GOLGA8A: variants seen among roughly 807,000 people sequenced by gnomAD.
GOLGA8A encodes the protein golgin A8 family member A.
A neutral mutation model predicts 22.1 loss-of-function variants in GOLGA8A; 3 were observed. The observed-to-expected ratio is 0.14, with a 90% CI of 0.06 to 0.35. The LOEUF (loss-of-function observed/expected upper bound fraction) is 0.35, where lower values mean the gene tolerates loss of function less well. Ranked by LOEUF, GOLGA8A falls within the 10% of genes least tolerant of loss-of-function variation. The probability of loss-of-function intolerance (pLI) is 1.00; values close to 1 mark genes in which losing one functional copy is unlikely to be tolerated. For synonymous variants in GOLGA8A, 7 were observed against 91.7 expected, an observed-to-expected ratio of 0.08 and a Z score of 5.28; for missense variants, 16 against 233.2, an observed-to-expected ratio of 0.07 and a Z score of 6.07.
intron 2 of GOLGA8A, among the ~76,000 whole-genome samples, chr15:34,424,501 T>C (rs2554790): frequency 6.8e-6 from 1 of 146,876 alleles, no homozygotes; most frequent in Non-Finnish European, 1.5e-5. Flanking sequence ...GGGCAGGCAG[T>C]CCACAAATTT....
chr15:34,425,210 C>T lies in GOLGA8A; in HGVS notation c.-1123+10173G>A, dbSNP rs916313774. ...GGCCCTTTAAGATAACTAAGTCTTA[C>T]CAAAAGCCACCGTAACTTACACGGT... On this transcript the variant is annotated intron_variant, in intron 2 of 24. Coordinates refer to ENST00000359187, the MANE Select transcript of GOLGA8A (RefSeq NM_181077.5). Among the ~76,000 whole-genome samples, 10 of 147,142 alleles carry T rather than the reference C, an allele frequency of 6.8e-5. 1 individual carries two copies. Among genetic ancestry groups the T allele is most frequent in the Admixed American group, 1.4e-4 (2 of 14,406 alleles).
intron 2 of GOLGA8A, among the ~76,000 whole-genome samples, chr15:34,421,983 C>G (rs101958): frequency 0.54 from 60,849 of 112,284 alleles, 19,127 homozygotes; most frequent in Non-Finnish European, 0.66. Context: ...CTGGAGAGAG[C>G]TTAGGACACC....
intron 2 of GOLGA8A, among the ~76,000 whole-genome samples, chr15:34,427,230 C>T (rs1426795635): frequency 2.1e-5 from 3 of 143,742 alleles, no homozygotes; most frequent in Non-Finnish European, 4.6e-5. Flanking sequence ...ACTCGGGAAG[C>T]TGAGGAAGGA....
rs1325850015 is a variant in GOLGA8A, at chr15:34,379,671, T to C, written c.*1740A>G. 1 of 152,624 alleles carries C rather than the reference T, an allele frequency of 6.6e-6. No individual in the cohort carries two copies. The highest frequency in any genetic ancestry group is 2.1e-4 in the South Asian group (1 of 4,830). 9.5% of individuals were successfully genotyped at this position (152,624 alleles called of 1,614,324 possible). On this transcript the variant is annotated 3_prime_UTR_variant, in exon 25 of 25. Transcript: ENST00000359187. ...AGTGCTAAAAATGGAGATGGTCTAGTAACTAGAAAACTCCCCACCCCAGGG... is the reference window on the plus strand; with the variant it reads ...AGTGCTAAAAATGGAGATGGTCTAGCAACTAGAAAACTCCCCACCCCAGGG...
At chr15:34,412,797 C>T (rs1477018790) in intron 2 of GOLGA8A, among the ~76,000 whole-genome samples, 6 of 144,264 alleles carry the variant, frequency 4.2e-5, no homozygotes, top group Non-Finnish European at 6.1e-5. Context: ...TCTTCTGAGC[C>T]GCTGGCATAG....
At chr15:34,429,702 C>T (rs541334792) in intron 2 of GOLGA8A, among the ~76,000 whole-genome samples, 6,570 of 137,810 alleles carry the variant, frequency 0.048, 389 homozygotes, top group South Asian at 0.14. Flanking sequence ...AGTAGCTTCT[C>T]AGAAAATACC....
At chr15:34,424,440 G>C (rs2644235) in intron 2 of GOLGA8A, among the ~76,000 whole-genome samples, 3 of 123,794 alleles carry the variant, frequency 2.4e-5, no homozygotes, top group East Asian at 2.6e-4. Context: ...AAAAAAATAC[G>C]AGAGGAAGAA....
At chr15:34,428,928 A>C (rs968149371) in intron 2 of GOLGA8A, 8 of 147,778 alleles carry the variant, frequency 5.4e-5, no homozygotes, top group African/African-American at 2.0e-4. Flanking sequence ...AGAAGGGTAA[A>C]ATAAAACGTC....
At chr15:34,421,803 CCCA>C (rs1439969361) in intron 2 of GOLGA8A, among the ~76,000 whole-genome samples, 1 of 135,794 alleles carries the variant, frequency 7.4e-6, no homozygotes, top group Non-Finnish European at 1.6e-5. Context: ...ATAATGGAGA[CCCA>C]CCAATTCCCG....
chr15:34,431,312 CAT>C (rs1157766795), intron 2 of GOLGA8A, among the ~76,000 whole-genome samples: 1,047 of 45,600 alleles, frequency 0.023, 28 homozygotes, highest in African/African-American at 0.059. Flanking sequence ...TATATATATA[CAT>C]ATATATATAT....
At chr15:34,429,875 T>C (rs1893151663) in intron 2 of GOLGA8A, among the ~76,000 whole-genome samples, 2 of 147,990 alleles carry the variant, frequency 1.4e-5, no homozygotes, top group South Asian at 4.4e-4. Context: ...CAGGTTAGTG[T>C]CCCGCACCCC....
intron 2 of GOLGA8A, among the ~76,000 whole-genome samples, chr15:34,424,408 C>T (rs564279582): frequency 1.4e-5 from 2 of 140,282 alleles, no homozygotes; most frequent in Admixed American, 7.5e-5. Flanking sequence ...GAAAGGTCGA[C>T]GATGGCAAAT....
intron 2 of GOLGA8A, among the ~76,000 whole-genome samples, chr15:34,425,862 C>A (rs1209629604): frequency 6.9e-6 from 1 of 145,084 alleles, no homozygotes; most frequent in Non-Finnish European, 1.5e-5. Context: ...TTTACAAACA[C>A]AAAATGAAAT....
At chr15:34,436,087 C>T (rs1029367498) in intron 1 of GOLGA8A, among the ~76,000 whole-genome samples, 11 of 148,814 alleles carry the variant, frequency 7.4e-5, no homozygotes, top group South Asian at 4.3e-4. Context: ...TTCCTGTCCC[C>T]CTGCGTAGTG....
rs1202258910 is a variant in GOLGA8A, at chr15:34,437,300, T to C, written c.-1212+98A>G. 4 of 143,018 alleles carry C rather than the reference T, an allele frequency of 2.8e-5. 1 individual carries two copies. The highest frequency in any genetic ancestry group is 1.0e-4 in the African/African-American group (4 of 38,626). 8.9% of individuals were successfully genotyped at this position (143,018 alleles called of 1,614,324 possible). On this transcript the variant is annotated intron_variant, in intron 1 of 24. Transcript: ENST00000359187. Reference sequence around the variant, plus strand: ...GCTCGGGAGCTCTTGGCCCGCAGCTTACGCGCCGCCCCCCACGCGTCCGGG... The same window carrying C: ...GCTCGGGAGCTCTTGGCCCGCAGCTCACGCGCCGCCCCCCACGCGTCCGGG...
intron 2 of GOLGA8A, among the ~76,000 whole-genome samples, chr15:34,428,287 G>T (rs1893071770): frequency 6.8e-6 from 1 of 147,132 alleles, no homozygotes; most frequent in Non-Finnish European, 1.5e-5. Flanking sequence ...TAGAGGTGAG[G>T]TCTCCCTGTG....
intron 2 of GOLGA8A, chr15:34,417,535 C>T (rs1892623536): frequency 7.2e-6 from 1 of 139,076 alleles, no homozygotes; most frequent in African/African-American, 2.6e-5. Flanking sequence ...CATGATTGTG[C>T]CTTCAATTCT....
Position 34,417,709 on chromosome 15 carries a change from G to C in GOLGA8A, c.-1122-9974C>G, listed in dbSNP as rs575736079. 1.9e-3 allele frequency: 273 copies of C among 145,798 alleles called. 6 individuals are homozygous for C. The highest frequency in any genetic ancestry group is 6.5e-3 in the African/African-American group (258 of 39,638). 9.0% of individuals were successfully genotyped at this position (145,798 alleles called of 1,614,324 possible). On this transcript the variant is annotated intron_variant, in intron 2 of 24. Coordinates refer to ENST00000359187, the MANE Select transcript of GOLGA8A (RefSeq NM_181077.5). The stretch of plus-strand genomic sequence containing the variant: ...TATAGTTTTGTTTCCTTCCTTCTAG[G>C]CTCTTATTTCATTTCCGTACCAATG...
intron 2 of GOLGA8A, among the ~76,000 whole-genome samples, chr15:34,425,850 T>G (rs1219303135): frequency 6.9e-6 from 1 of 145,336 alleles, no homozygotes; most frequent in Non-Finnish European, 1.5e-5. Flanking sequence ...TAATTCACAA[T>G]TTTTACAAAC....
Sources: allele counts gnomAD v4.1 joint callset (sites outside exome capture counted in the v4.1 genomes callset), GRCh38; gene constraint gnomAD v4.1.1; transcripts MANE v1.5; gene names NCBI Gene and HGNC (gene_info 2026-07-23, HGNC 2026-07-21).